Variants in TSPAN11 observed in about 807,000 individuals in gnomAD.
TSPAN11 encodes tetraspanin-11.
TSPAN11 carries 29 observed loss-of-function variants against 32.9 expected under a neutral mutation model. The ratio of observed to expected loss-of-function variants is 0.88; its 90% CI spans 0.66 to 1.20. The LOEUF (loss-of-function observed/expected upper bound fraction) is 1.20, where lower values mean the gene tolerates loss of function less well. Among genes scored for constraint, TSPAN11 ranks in the 50% most tolerant of loss-of-function variants. The pLI is 0.00. For synonymous variants in TSPAN11, 140 were observed against 141.3 expected, an observed-to-expected ratio of 0.99 and a Z score of 0.07; for missense variants, 283 against 329.1, an observed-to-expected ratio of 0.86 and a Z score of 1.08.
downstream of TSPAN11, among the ~76,000 whole-genome samples, chr12:31,001,487 T>C (rs568704745): frequency 1.4e-4 from 21 of 152,328 alleles, no homozygotes; most frequent in Middle Eastern, 3.4e-3. Flanking sequence ...TACTGGATGA[T>C]TGGCCCTGCA....
At chr12:31,016,098 G>A in the TSPAN11 span, among the ~76,000 whole-genome samples, 4 of 152,214 alleles carry the variant, frequency 2.6e-5, no homozygotes, top group South Asian at 2.1e-4. Flanking sequence ...GCAACATAAC[G>A]AGACCACGTC....
chr12:30,951,233 T>A (rs948074825), intron 1 of TSPAN11, among the ~76,000 whole-genome samples: 4 of 152,226 alleles, frequency 2.6e-5, no homozygotes, highest in African/African-American at 9.6e-5. Flanking sequence ...TACCACTTCT[T>A]ATATACCATT....
Position 30,983,085 on chromosome 12 carries a change from G to A in TSPAN11, c.637G>A (p.Glu213Lys). Residue 213 changes from glutamate (E) to lysine (K), a missense_variant, in exon 7 of 8, where the codon GAG becomes AAG. Physicochemically the swap from Glu to Lys is moderately conservative, Grantham distance 56. Coordinates refer to ENST00000546076, the MANE Select transcript of TSPAN11 (RefSeq NM_001370302.1). Reference sequence around the variant, plus strand: ...ACAGGGAGGCTGCCTCACCAAGCTGGAGCAGTTCCTGGCCGACCACCTGCT... The same window carrying A: ...ACAGGGAGGCTGCCTCACCAAGCTGAAGCAGTTCCTGGCCGACCACCTGCT... ...KVEGGCLTKL[E>K]QFLADHLLLM... 1.2e-6 allele frequency: 2 copies of A among 1,613,132 alleles called. No homozygotes were observed. The highest frequency in any genetic ancestry group is 1.7e-6 in the Non-Finnish European group (2 of 1,179,994).
At position 30,982,698 on chromosome 12, in the gene TSPAN11, C is replaced by T; in HGVS notation, c.615+8C>T. The T allele has an allele frequency of 1.3e-6, 2 of 1,548,036 alleles. No homozygotes were observed. The highest frequency in any genetic ancestry group is 1.8e-6 in the Non-Finnish European group (2 of 1,141,802). ...AACATCTATAAGGTGGAGGTGAGCACCCAAGCTCAAGTTGGGGGTGAGGAG... is the reference window on the plus strand; with the variant it reads ...AACATCTATAAGGTGGAGGTGAGCATCCAAGCTCAAGTTGGGGGTGAGGAG... On this transcript the variant is annotated splice_region_variant and intron_variant, in intron 6 of 7. Transcript: ENST00000546076.
chr12:31,006,197 A>G, the TSPAN11 span, among the ~76,000 whole-genome samples: 1 of 152,196 alleles, frequency 6.6e-6, no homozygotes, highest in Admixed American at 6.5e-5. Context: ...CCAAGCTATC[A>G]TCTAGTCTAT....
At chr12:30,935,628 C>T (rs138752578) in intron 1 of TSPAN11, among the ~76,000 whole-genome samples, 290 of 152,210 alleles carry the variant, frequency 1.9e-3, no homozygotes, top group African/African-American at 6.6e-3. Context: ...AGGTGATCCA[C>T]CCACCTCGGC....
chr12:30,987,480 G>A (rs570689406), intron 7 of TSPAN11, among the ~76,000 whole-genome samples: 4 of 152,284 alleles, frequency 2.6e-5, no homozygotes, highest in African/African-American at 7.2e-5. Flanking sequence ...GGAGGCGCGC[G>A]CCTGTAATCC....
intron 1 of TSPAN11, among the ~76,000 whole-genome samples, chr12:30,953,431 C>T (rs1000187010): frequency 6.6e-6 from 1 of 152,074 alleles, no homozygotes; most frequent in African/African-American, 2.4e-5. Context: ...GCCAAACCAC[C>T]AGGCCTGTCT....
intron 2 of TSPAN11, among the ~76,000 whole-genome samples, chr12:30,955,551 T>C (rs1938462032): frequency 6.6e-6 from 1 of 152,228 alleles, no homozygotes; most frequent in Admixed American, 6.5e-5. Context: ...CATTTCAAAA[T>C]GCCATAAACT....
rs1938569666 is a variant in TSPAN11 at position 30,959,667 on chromosome 12, C to A, written c.85-4159C>A. Reference sequence around the variant, plus strand: ...TGGTGGCGCGTGCCTGTAATCCTAGCTACTCAGGAGACTGAGGCAGGAGAA... The same window carrying A: ...TGGTGGCGCGTGCCTGTAATCCTAGATACTCAGGAGACTGAGGCAGGAGAA... On this transcript the variant is annotated intron_variant, in intron 2 of 7. Coordinates refer to ENST00000546076, the MANE Select transcript of TSPAN11 (RefSeq NM_001370302.1). Among the ~76,000 whole-genome samples, 2 of 151,690 alleles carry A rather than the reference C, an allele frequency of 1.3e-5. 1 individual carries two copies. The highest frequency in any genetic ancestry group is 4.2e-4 in the South Asian group (2 of 4,800).
chr12:31,009,648 G>C, the TSPAN11 span, among the ~76,000 whole-genome samples: 2 of 152,282 alleles, frequency 1.3e-5, no homozygotes, highest in South Asian at 4.1e-4. Context: ...AGCCAGAGCA[G>C]ATGGCAGGAG....
intron 1 of TSPAN11, among the ~76,000 whole-genome samples, chr12:30,940,577 C>T (rs369962092): frequency 3.9e-5 from 6 of 152,210 alleles, no homozygotes; most frequent in African/African-American, 1.4e-4. Flanking sequence ...TGGTAAAGAG[C>T]CAACCTGGGA....
the TSPAN11 span, among the ~76,000 whole-genome samples, chr12:31,004,960 C>T: frequency 6.6e-6 from 1 of 152,224 alleles, no homozygotes; most frequent in Admixed American, 6.5e-5. Flanking sequence ...CCTCTCTCCA[C>T]CTGCCTCTCC....
chr12:30,982,794 A>G, intron 6 of TSPAN11, 104 bp downstream of exon 6: 1 of 1,446,688 alleles, frequency 6.9e-7, no homozygotes, highest in Non-Finnish European at 9.2e-7. Context: ...GAAAAGCAGG[A>G]CACATGTGCT....
chr12:31,011,565 C>T, the TSPAN11 span, among the ~76,000 whole-genome samples: 2 of 152,230 alleles, frequency 1.3e-5, no homozygotes, highest in African/African-American at 2.4e-5. Flanking sequence ...ACAACCCACT[C>T]GCCTCCTGCG....
At chr12:30,970,814 C>T (rs1044105098) in intron 3 of TSPAN11, among the ~76,000 whole-genome samples, 3 of 152,236 alleles carry the variant, frequency 2.0e-5, no homozygotes, top group Non-Finnish European at 4.4e-5. Flanking sequence ...ACAGGAATGG[C>T]TGAAGGCTCC....
At chr12:31,009,928 T>C in the TSPAN11 span, among the ~76,000 whole-genome samples, 1 of 152,222 alleles carries the variant, frequency 6.6e-6, no homozygotes, top group Non-Finnish European at 1.5e-5. Context: ...GCTCTTCTAT[T>C]TAGTCCTCCT....
At chr12:30,941,073 C>T (rs1269091396) in intron 1 of TSPAN11, among the ~76,000 whole-genome samples, 2 of 152,252 alleles carry the variant, frequency 1.3e-5, no homozygotes, top group African/African-American at 2.4e-5. Context: ...GGTTGGGGAC[C>T]GCTGTTACAA....
the TSPAN11 span, among the ~76,000 whole-genome samples, chr12:31,010,074 C>T: frequency 6.6e-6 from 1 of 152,162 alleles, no homozygotes; most frequent in African/African-American, 2.4e-5. Flanking sequence ...GTAAGAGTGG[C>T]CCCACTTCTC....
Sources: allele counts gnomAD v4.1 joint callset (sites outside exome capture counted in the v4.1 genomes callset), GRCh38; gene constraint gnomAD v4.1.1; transcripts MANE v1.5; gene names NCBI Gene and HGNC (gene_info 2026-07-23, HGNC 2026-07-21).